WRAP73: variants seen among roughly 807,000 people sequenced by gnomAD.
WRAP73 encodes the protein WD repeat-containing protein WRAP73.
Under a neutral mutation model 59.6 loss-of-function variants are expected in WRAP73, and 55 were observed. That is an observed-to-expected ratio of 0.92 (90% CI 0.74 to 1.15). The LOEUF is 1.15. Among genes scored for constraint, WRAP73 ranks in the 50% most tolerant of loss-of-function variants. The pLI is 0.00. For missense variants in WRAP73, 592 were observed against 608.1 expected (o/e 0.97, Z 0.28); for synonymous variants, 265 against 258.2 (o/e 1.03, Z -0.25).
rs928691324 is a variant in WRAP73 at position 3,635,043 on chromosome 1, A to G, written c.770T>C (p.Met257Thr). 6.2e-7 allele frequency: 1 copy of G among 1,614,188 alleles called. No homozygotes were observed. Among genetic ancestry groups the G allele is most frequent in the African/African-American group, 1.3e-5 (1 of 75,050 alleles). ...VRILNHVTWKMITEFGHPAAI... is the reference protein window; with the variant it reads ...VRILNHVTWKTITEFGHPAAI... ...TGCAGGATGCCCAAACTCCGTGATC[A>G]TTTTCCAAGTCACGTGATTAAGGAT... Residue 257 changes from methionine (M) to threonine (T), a missense_variant, in exon 8 of 12, where the codon ATG (methionine) becomes ACG (threonine). Met to Thr is a moderately conservative substitution (Grantham distance 81). Coordinates refer to ENST00000270708, the MANE Select transcript of WRAP73 (RefSeq NM_017818.4).
chr1:3,633,152 C>A, intron 9 of WRAP73: 1 of 469,860 alleles, frequency 2.1e-6, no homozygotes, highest in Non-Finnish European at 3.8e-6. Context: ...CCCCTCGGAG[C>A]TCCCGCTGTC....
rs373585828 is a variant in WRAP73, at chr1:3,647,510, C to T, written c.120G>A (p.Gln40=). 21 of 1,613,950 alleles carry T rather than the reference C, an allele frequency of 1.3e-5. No individual in the cohort carries two copies. The highest frequency in any genetic ancestry group is 1.8e-5 in the Non-Finnish European group (21 of 1,179,934). ...CTAGGCACGTGTACAGCTGAAGGAT[C>T]TGAAGGGTGTTCACATCCCGGACCA... ...RLVVRDVNTL[Q]ILQLYTCLDQ... The change falls in exon 2 of 12, where the codon CAG becomes CAA. Residue 40 remains glutamine, a synonymous_variant. Coordinates refer to ENST00000270708, the MANE Select transcript of WRAP73 (RefSeq NM_017818.4).
rs112332551 is a variant in WRAP73 at position 3,632,917 on chromosome 1, A to T, written c.922+481T>A. 9.8e-3 allele frequency: 2,114 copies of T among 215,036 alleles called. 15 individuals are homozygous for T. The highest frequency in any genetic ancestry group is 0.019 in the Middle Eastern group (10 of 516). The allele number at this position is 215,036 out of a possible 1,614,324, so 13.3% of individuals were successfully genotyped here. On this transcript the variant is annotated intron_variant, in intron 9 of 11. Coordinates refer to ENST00000270708, the MANE Select transcript of WRAP73 (RefSeq NM_017818.4). ...ACCGCTTCCTCTACCTGCAACCTTC[A>T]GATGCCCTCATGCCCCTGTGGGATG...
rs142465829 is a variant in WRAP73, at chr1:3,639,068, G to T, written c.340-246C>A. ...TTATACCAAAATTGAGTGACACAAA[G>T]TTAAATCCAAGTGCTTTTTCATTAG... On this transcript the variant is annotated intron_variant, in intron 3 of 11. Coordinates refer to ENST00000270708, the MANE Select transcript of WRAP73 (RefSeq NM_017818.4). This position sits in a 1 kb window ranked among gnomAD's most constrained non-coding sequence, Gnocchi z 4.3. 8 of 494,132 alleles carry T rather than the reference G, an allele frequency of 1.6e-5. No individual in the cohort carries two copies. The highest frequency in any genetic ancestry group is 2.5e-5 in the Non-Finnish European group (7 of 280,926). The allele number at this position is 494,132 out of a possible 1,614,324, so 30.6% of individuals were successfully genotyped here.
At chr1:3,638,039 TATAAGA>T (rs1239701906) in intron 4 of WRAP73, among the ~76,000 whole-genome samples, 8 of 152,190 alleles carry the variant, frequency 5.3e-5, no homozygotes, top group Non-Finnish European at 2.9e-5. Context: ...ATATTCCAAC[TATAAGA>T]ATAAGAGTGT....
intron 5 of WRAP73, chr1:3,636,285 A>G: frequency 2.6e-6 from 1 of 389,626 alleles, no homozygotes; most frequent in Non-Finnish European, 4.6e-6. Context: ...TCGTGTGCAC[A>G]CTCTCCCCCT....
Position 3,631,611 on chromosome 1 carries a change from C to T in WRAP73, c.1095G>A (p.Arg365=). 1 of 1,604,572 alleles carries T rather than the reference C, an allele frequency of 6.2e-7. No homozygotes were observed. The highest frequency in any genetic ancestry group is 1.3e-5 in the African/African-American group (1 of 75,042). The change falls in exon 11 of 12, where the codon AGG becomes AGA. Residue 365 remains arginine (R), a synonymous_variant. Transcript: ENST00000270708. ...ACAGCTGCTCGAGCACCGCGAACAG[C>T]CTCAGCTTCTGAATGTCCCAGACCC... ...AVWVWDIQKL[R]LFAVLEQLSP...
At position 3,646,667 on chromosome 1, in the gene WRAP73, T is replaced by A. The variant is rs1178517211; in HGVS notation, c.338A>T (p.His113Leu). The change falls in exon 3 of 12, where the codon CAT becomes CTT. Residue 113 changes from histidine to leucine, a missense_variant and splice_region_variant. His to Leu is a moderately conservative substitution (Grantham distance 99). Transcript: ENST00000270708. The surrounding 1 kb of genome is among the most constrained non-coding windows in gnomAD (Gnocchi z 5.1). ...AGGTGTCTTGGGGCTGACACTTACA[T>A]GGAATTCCGTGGTGTTGAGAATGTG... ...GRHILNTTEF[H>L]LRITVWSLCT... 1 of 1,593,126 alleles carries A rather than the reference T, an allele frequency of 6.3e-7. No homozygotes were observed. The highest frequency in any genetic ancestry group is 1.7e-5 in the Admixed American group (1 of 57,522).
chr1:3,644,445 G>A (rs868078140), intron 3 of WRAP73, among the ~76,000 whole-genome samples: 1 of 152,204 alleles, frequency 6.6e-6, no homozygotes, highest in Admixed American at 6.5e-5. Flanking sequence ...ATCCTCGAAC[G>A]GGTCTGGTCC....
chr1:3,631,132 G>T lies in WRAP73; in HGVS notation c.1241-15C>A. ...TGCAAAGTCGCCTAGAGAGAGACAG[G>T]TGGCCAGAGGATTACAGCAGGGGAG... On this transcript the variant is annotated splice_polypyrimidine_tract_variant and intron_variant, in intron 11 of 11. Transcript: ENST00000270708. 6.2e-7 allele frequency: 1 copy of T among 1,613,056 alleles called. No homozygotes were observed. The highest frequency in any genetic ancestry group is 8.5e-7 in the Non-Finnish European group (1 of 1,179,930).
At chr1:3,648,786 C>CA (rs1557466313) in intron 1 of WRAP73, among the ~76,000 whole-genome samples, 1 of 152,064 alleles carries the variant, frequency 6.6e-6, no homozygotes, top group Non-Finnish European at 1.5e-5. Flanking sequence ...ATGGTAAAAA[C>CA]AAAAAACAAA....
intron 1 of WRAP73, among the ~76,000 whole-genome samples, chr1:3,648,440 C>T (rs1397165790): frequency 3.9e-5 from 6 of 152,162 alleles, no homozygotes; most frequent in Non-Finnish European, 7.3e-5. Flanking sequence ...GAGAGACAGG[C>T]GGGTGACGGC....
intron 3 of WRAP73, among the ~76,000 whole-genome samples, chr1:3,640,757 A>C (rs1162942164): frequency 1.3e-5 from 2 of 151,808 alleles, no homozygotes; most frequent in Non-Finnish European, 2.9e-5. Context: ...CAAGCATCTC[A>C]GCATCAGCAG....
intron 3 of WRAP73, among the ~76,000 whole-genome samples, chr1:3,642,338 G>C (rs1262191200): frequency 2.0e-5 from 3 of 152,198 alleles, no homozygotes; most frequent in African/African-American, 7.2e-5. Flanking sequence ...GTGTGGTGCT[G>C]GCACATAGGT....
At chr1:3,643,036 C>T (rs1644661513) in intron 3 of WRAP73, among the ~76,000 whole-genome samples, 2 of 152,232 alleles carry the variant, frequency 1.3e-5, no homozygotes, top group East Asian at 1.9e-4. Flanking sequence ...AGAGGCTCTC[C>T]GGGTATGTGC....
intron 6 of WRAP73, chr1:3,635,497 T>C (rs1402659399): frequency 4.4e-6 from 3 of 686,590 alleles, no homozygotes; most frequent in Admixed American, 3.0e-5. Flanking sequence ...AAAGGGGAAA[T>C]TGGGAGGTCA....
intron 11 of WRAP73, 144 bp from the exon 12 acceptor site, chr1:3,631,261 A>G: frequency 7.1e-7 from 1 of 1,399,926 alleles, no homozygotes; most frequent in South Asian, 1.4e-5. Flanking sequence ...AGCTGCCTCA[A>G]GTCAGGGAGA....
intron 1 of WRAP73, 84 bp downstream of exon 1, chr1:3,649,846 AC>A: frequency 6.9e-7 from 1 of 1,452,004 alleles, no homozygotes; most frequent in Non-Finnish European, 9.3e-7. Context: ...AGCTGCCTCC[AC>A]CCACGCGGCC....
rs1283635786 is a variant in WRAP73, at chr1:3,646,039, ATACT to A, written c.339+623_339+626del. Among the ~76,000 whole-genome samples the A allele has an allele frequency of 6.6e-6, 1 of 152,240 alleles. No individual in the cohort carries two copies. The highest frequency in any genetic ancestry group is 2.4e-5 in the African/African-American group (1 of 41,458). ...AAACTGGACAAAAGATCAGACAATA[ATACT>A]TAGTGGCTTATAATGCTCTGACCTA... On this transcript the variant is annotated intron_variant, in intron 3 of 11. Coordinates refer to ENST00000270708, the MANE Select transcript of WRAP73 (RefSeq NM_017818.4). This position sits in a 1 kb window ranked among gnomAD's most constrained non-coding sequence, Gnocchi z 5.1.
Sources: gnomAD v4.1 joint callset for allele counts (sites outside exome capture counted in the v4.1 genomes callset) on GRCh38, gnomAD v4.1.1 for gene constraint, Gnocchi (gnomAD v3.1) non-coding constraint, MANE v1.5 for transcripts, NCBI Gene and HGNC (gene_info 2026-07-23, HGNC 2026-07-21) for gene names.